The following TNIK variants were observed in gnomAD, a reference collection of about 807,000 sequenced individuals.
TNIK encodes the protein TRAF2 and NCK interacting kinase.
A neutral mutation model predicts 191.3 loss-of-function variants in TNIK; 49 were observed. The ratio of observed to expected loss-of-function variants is 0.26; its 90% CI spans 0.20 to 0.32. The LOEUF (loss-of-function observed/expected upper bound fraction) is 0.32, where lower values mean the gene tolerates loss of function less well. Ranked by LOEUF, TNIK falls within the 10% of genes least tolerant of loss-of-function variation. The probability of loss-of-function intolerance (pLI) is 1.00; values close to 1 mark genes in which losing one functional copy is unlikely to be tolerated. For synonymous variants in TNIK, 594 were observed against 600.9 expected (o/e 0.99, Z 0.17); for missense variants, 1,155 against 1,702.3 (o/e 0.68, Z 5.66).
At chr3:171,398,460 T>C (rs1720513136) in intron 1 of TNIK, among the ~76,000 whole-genome samples, 1 of 152,238 alleles carries the variant, frequency 6.6e-6, no homozygotes, top group African/African-American at 2.4e-5. Context: ...TGCACAGTAG[T>C]GTTTCACAGA....
intron 2 of TNIK, among the ~76,000 whole-genome samples, chr3:171,363,438 C>T (rs1715265455): frequency 6.6e-6 from 1 of 152,142 alleles, no homozygotes; most frequent in African/African-American, 2.4e-5. Flanking sequence ...CCATACAAAG[C>T]ACAGGGCTTT....
At chr3:171,102,412 C>A (rs1347514548) in intron 21 of TNIK, among the ~76,000 whole-genome samples, 1 of 152,000 alleles carries the variant, frequency 6.6e-6, no homozygotes, top group Admixed American at 6.5e-5. Flanking sequence ...ATGATGAAAC[C>A]TTTAGCCTTA....
intron 1 of TNIK, among the ~76,000 whole-genome samples, chr3:171,384,764 A>C (rs557369344): frequency 6.6e-6 from 1 of 152,338 alleles, no homozygotes; most frequent in South Asian, 2.1e-4. Context: ...ATGAAATATA[A>C]ATGAAGAGAA....
chr3:171,197,153 GAC>G (rs1439596685), intron 4 of TNIK, among the ~76,000 whole-genome samples: 2 of 152,178 alleles, frequency 1.3e-5, no homozygotes, highest in South Asian at 2.1e-4. Flanking sequence ...AAAATTATAT[GAC>G]AGTTTCTTCT....
intron 5 of TNIK, among the ~76,000 whole-genome samples, chr3:171,193,697 T>C (rs1405791077): frequency 6.6e-6 from 1 of 152,194 alleles, no homozygotes; most frequent in Admixed American, 6.5e-5. Flanking sequence ...GAACACACAG[T>C]AAAAAAGTTT....
chr3:171,177,266 A>C, intron 8 of TNIK, 60 bp downstream of exon 8: 2 of 1,548,250 alleles, frequency 1.3e-6, no homozygotes, highest in East Asian at 4.8e-5. Flanking sequence ...CCTGGCAAGG[A>C]AACTTCAGTA....
chr3:171,300,444 G>T (rs894091840), intron 2 of TNIK, among the ~76,000 whole-genome samples: 1 of 152,140 alleles, frequency 6.6e-6, no homozygotes, highest in African/African-American at 2.4e-5. Flanking sequence ...AAAAATGTAT[G>T]CATCTGACAT....
chr3:171,059,538 A>G lies in TNIK; in HGVS notation c.*4343T>C, dbSNP rs1292219600. On this transcript the variant is annotated 3_prime_UTR_variant, in exon 33 of 33. Coordinates refer to ENST00000436636, the MANE Select transcript of TNIK (RefSeq NM_015028.4). Reference sequence around the variant, plus strand: ...TAGAAAATGTTTGGTAGGAATATACAAATTGTCAGTTTTGAACTTGCAAAT... The same window carrying G: ...TAGAAAATGTTTGGTAGGAATATACGAATTGTCAGTTTTGAACTTGCAAAT... Among the ~76,000 whole-genome samples the G allele has an allele frequency of 6.6e-6, 1 of 152,200 alleles. No homozygotes were observed. Among genetic ancestry groups the G allele is most frequent in the East Asian group, 1.9e-4 (1 of 5,198 alleles).
chr3:171,222,770 G>T (rs1742512507), intron 3 of TNIK, among the ~76,000 whole-genome samples: 1 of 152,252 alleles, frequency 6.6e-6, no homozygotes, highest in East Asian at 1.9e-4. Flanking sequence ...CAGTAAGACA[G>T]AAATAGGAAT....
At chr3:171,459,926 G>GC in intron 1 of TNIK, 81 bp downstream of exon 1, 2 of 590,416 alleles carry the variant, frequency 3.4e-6, no homozygotes, top group Non-Finnish European at 6.1e-6. Context: ...CCCTGCCCCA[G>GC]CCCCAGCCCC....
At chr3:171,265,907 C>A (rs898055687) in intron 2 of TNIK, among the ~76,000 whole-genome samples, 3 of 152,120 alleles carry the variant, frequency 2.0e-5, no homozygotes, top group Non-Finnish European at 4.4e-5. Context: ...TAAGAATCTG[C>A]AGTTGGCTGT....
intron 2 of TNIK, among the ~76,000 whole-genome samples, chr3:171,236,593 GCCT>G (rs1340461959): frequency 2.0e-5 from 3 of 152,150 alleles, no homozygotes; most frequent in Admixed American, 6.5e-5. Context: ...TTTCACCTCT[GCCT>G]CCTCTTTTCC....
intron 1 of TNIK, among the ~76,000 whole-genome samples, chr3:171,416,780 T>A (rs1004178063): frequency 6.6e-6 from 1 of 152,214 alleles, no homozygotes; most frequent in Non-Finnish European, 1.5e-5. Flanking sequence ...ATTTACAAGA[T>A]GATTATGAAA....
intron 8 of TNIK, among the ~76,000 whole-genome samples, chr3:171,175,760 C>T (rs189425797): frequency 8.5e-5 from 13 of 152,306 alleles, no homozygotes; most frequent in East Asian, 3.9e-4. Flanking sequence ...ATTTCTTACA[C>T]GTCGACAGCT....
At chr3:171,139,346 G>A in intron 14 of TNIK, 124 bp downstream of exon 14, 1 of 832,700 alleles carries the variant, frequency 1.2e-6, no homozygotes, top group Non-Finnish European at 2.0e-6. Flanking sequence ...CCCTCTTCTG[G>A]ACTGGTATGT....
intron 18 of TNIK, among the ~76,000 whole-genome samples, chr3:171,115,522 T>C (rs1232287060): frequency 2.6e-5 from 4 of 152,146 alleles, no homozygotes; most frequent in African/African-American, 9.7e-5. Flanking sequence ...ACTGGTATGG[T>C]TGATGGCAGT....
intron 2 of TNIK, among the ~76,000 whole-genome samples, chr3:171,318,665 CAAGAT>C (rs1176450907): frequency 6.6e-6 from 1 of 151,884 alleles, no homozygotes; most frequent in Non-Finnish European, 1.5e-5. Context: ...ATCCTTTTGC[CAAGAT>C]ATCAAAATTT....
chr3:171,133,207 T>G (rs912679677), intron 15 of TNIK, among the ~76,000 whole-genome samples: 7 of 152,186 alleles, frequency 4.6e-5, no homozygotes, highest in African/African-American at 1.7e-4. Context: ...AACTTCTTAC[T>G]AATATTCCAG....
intron 2 of TNIK, among the ~76,000 whole-genome samples, chr3:171,267,857 C>T (rs1417735074): frequency 6.6e-6 from 1 of 152,174 alleles, no homozygotes; most frequent in South Asian, 2.1e-4. Flanking sequence ...ACTGAGCTCC[C>T]ACCATTTATG....
Sources: allele counts gnomAD v4.1 joint callset (sites outside exome capture counted in the v4.1 genomes callset), GRCh38; gene constraint gnomAD v4.1.1; transcripts MANE v1.5; gene names NCBI Gene and HGNC (gene_info 2026-07-23, HGNC 2026-07-21).